SLC22A23: variants seen among roughly 807,000 people sequenced by gnomAD.
The protein encoded by SLC22A23 is ion transporter protein.
A neutral mutation model predicts 61.0 loss-of-function variants in SLC22A23; 26 were observed. The observed-to-expected ratio is 0.43, with a 90% confidence interval of 0.31 to 0.59. The LOEUF (loss-of-function observed/expected upper bound fraction) is 0.59. SLC22A23 is among the 20% of genes least tolerant of loss of function. The pLI is 0.11. For synonymous variants in SLC22A23, 430 were observed against 413.9 expected (o/e 1.04, Z -0.47); for missense variants, 796 against 934.7 (o/e 0.85, Z 1.94).
intron 3 of SLC22A23, among the ~76,000 whole-genome samples, chr6:3,369,908 T>G (rs9503567): frequency 0.7 from 107,185 of 152,148 alleles, 37,997 homozygotes; most frequent in East Asian, 0.84. Flanking sequence ...TCCCTTACAT[T>G]TAGGTATATC....
intron 3 of SLC22A23, among the ~76,000 whole-genome samples, chr6:3,332,971 T>C (rs959337500): frequency 6.6e-6 from 1 of 152,192 alleles, no homozygotes; most frequent in African/African-American, 2.4e-5. Context: ...CTCCACCTAA[T>C]GTCTGGTGAG....
chr6:3,341,730 C>G (rs1764164325), intron 3 of SLC22A23, among the ~76,000 whole-genome samples: 1 of 143,400 alleles, frequency 7.0e-6, no homozygotes, highest in Non-Finnish European at 1.5e-5. Context: ...ACCACACGCA[C>G]AATTCATTGG....
rs191008962 is a variant in SLC22A23 at position 3,324,063 on chromosome 6, G to C, written c.914-61C>G. The stretch of plus-strand genomic sequence containing the variant: ...CCTGCTCGACAGCCCGAGAAGTCCT[G>C]GGTGCACCTGGGCCAGTGCACTGCT... On this transcript the variant is annotated intron_variant, in intron 3 of 9. Coordinates refer to ENST00000406686, the MANE Select transcript of SLC22A23 (RefSeq NM_015482.2). The surrounding 1 kb of genome is among the most constrained non-coding windows in gnomAD (Gnocchi z 4.3). 3 of 1,580,030 alleles carry C rather than the reference G, an allele frequency of 1.9e-6. No homozygotes were observed. The highest frequency in any genetic ancestry group is 2.6e-6 in the Non-Finnish European group (3 of 1,156,988).
rs1017494308 is a variant in SLC22A23 at position 3,454,214 on chromosome 6, C to T, written c.654+1692G>A. Among the ~76,000 whole-genome samples, 1 of 152,158 alleles carries T rather than the reference C, an allele frequency of 6.6e-6. No homozygotes were observed. The highest frequency in any genetic ancestry group is 2.4e-5 in the African/African-American group (1 of 41,426). On this transcript the variant is annotated intron_variant, in intron 1 of 9. Transcript: ENST00000406686. This position sits in a 1 kb window ranked among gnomAD's most constrained non-coding sequence, Gnocchi z 4.3. ...CCACACACATGAGGGCTGTCTGTGA[C>T]CCTCTCGAATGCTAATTTAGAAAAA... is the stretch of plus-strand genomic sequence containing the variant.
At chr6:3,282,332 T>G in intron 9 of SLC22A23, 2 of 702,350 alleles carry the variant, frequency 2.8e-6, no homozygotes, top group Non-Finnish European at 5.2e-6. Context: ...ATGCAGAAGG[T>G]AGGGACAGGA....
intron 4 of SLC22A23, among the ~76,000 whole-genome samples, chr6:3,305,521 C>T (rs973164672): frequency 6.6e-6 from 1 of 152,228 alleles, no homozygotes; most frequent in African/African-American, 2.4e-5. Flanking sequence ...AGCCTCTGAA[C>T]AAGCCCAGAG....
chr6:3,427,834 A>T lies in SLC22A23; in HGVS notation c.655-11979T>A, dbSNP rs1581871833. 6.6e-6 allele frequency among the ~76,000 whole-genome samples: 1 copy of T among 151,756 alleles called. No individual in the cohort carries two copies. The highest frequency in any genetic ancestry group is 1.9e-4 in the East Asian group (1 of 5,202). On this transcript the variant is annotated intron_variant, in intron 1 of 9. Coordinates refer to ENST00000406686, the MANE Select transcript of SLC22A23 (RefSeq NM_015482.2). This position sits in a 1 kb window ranked among gnomAD's most constrained non-coding sequence, Gnocchi z 4.3. ...AACTAACTATTAATCTTCTAAAAAC[A>T]CCGTGCCAAACTGGCAGCATGACAG... is the stretch of plus-strand genomic sequence containing the variant.
chr6:3,421,351 A>G (rs1382457613), intron 1 of SLC22A23, among the ~76,000 whole-genome samples: 1 of 152,174 alleles, frequency 6.6e-6, no homozygotes, highest in Non-Finnish European at 1.5e-5. Flanking sequence ...AGAGACACCC[A>G]CAGAGGTCTC....
chr6:3,365,831 G>A (rs754057153), intron 3 of SLC22A23, among the ~76,000 whole-genome samples: 7 of 152,172 alleles, frequency 4.6e-5, no homozygotes, highest in Non-Finnish European at 8.8e-5. Context: ...AACAGCAGCA[G>A]CAGAAGGAAA....
chr6:3,296,914 C>T (rs528638703), intron 5 of SLC22A23, among the ~76,000 whole-genome samples: 52 of 152,316 alleles, frequency 3.4e-4, no homozygotes, highest in Admixed American at 1.2e-3. Flanking sequence ...TTGGGGTTCC[C>T]GTGCATCCCT....
intron 3 of SLC22A23, among the ~76,000 whole-genome samples, chr6:3,402,503 G>C (rs1768485505): frequency 6.6e-6 from 1 of 151,676 alleles, no homozygotes; most frequent in East Asian, 1.9e-4. Context: ...CTAGGCCCCA[G>C]CCAACCCCAA....
At chr6:3,382,011 G>A (rs571767496) in intron 3 of SLC22A23, among the ~76,000 whole-genome samples, 2 of 152,284 alleles carry the variant, frequency 1.3e-5, no homozygotes, top group South Asian at 4.1e-4. Flanking sequence ...CGATGACAAG[G>A]GGGTCCACTT....
chr6:3,443,340 G>A (rs957415461), intron 1 of SLC22A23, among the ~76,000 whole-genome samples: 2 of 152,192 alleles, frequency 1.3e-5, no homozygotes, highest in African/African-American at 2.4e-5. Context: ...CTGTGTGAAG[G>A]CAGGGGTGGG....
chr6:3,274,070 C>T (rs1758679234), intron 9 of SLC22A23, among the ~76,000 whole-genome samples: 1 of 152,184 alleles, frequency 6.6e-6, no homozygotes, highest in Non-Finnish European at 1.5e-5. Flanking sequence ...GAACTCACTG[C>T]AGCTCTGAGC....
chr6:3,286,835 A>C lies in SLC22A23; in HGVS notation c.1546+24T>G. On this transcript the variant is annotated intron_variant, in intron 7 of 9. Coordinates refer to ENST00000406686, the MANE Select transcript of SLC22A23 (RefSeq NM_015482.2). This position sits in a 1 kb window ranked among gnomAD's most constrained non-coding sequence, Gnocchi z 4.2. The stretch of plus-strand genomic sequence containing the variant: ...TCTGCCAGCTTCCCTCCCTGCACCC[A>C]GCCCACCTCCCCGACCCACTCACGG... 9.6e-6 allele frequency: 15 copies of C among 1,558,366 alleles called. No homozygotes were observed. Among genetic ancestry groups the C allele is most frequent in the Non-Finnish European group, 1.3e-5 (15 of 1,149,670 alleles).
Position 3,271,380 on chromosome 6 carries a change from T to C in SLC22A23, c.*1675A>G, listed in dbSNP as rs1758465079. ...AGTCTGCTTGCCCCTTGCTGTGTCT[T>C]TACACATCTCCAGGCCCTTACTGAT... On this transcript the variant is annotated 3_prime_UTR_variant, in exon 10 of 10. Transcript: ENST00000406686. 6.6e-6 allele frequency: 1 copy of C among 152,310 alleles called. No individual in the cohort carries two copies. The highest frequency in any genetic ancestry group is 2.4e-5 in the African/African-American group (1 of 41,426). The allele number at this position is 152,310 out of a possible 1,614,324, so 9.4% of individuals were successfully genotyped here. A position where few individuals can be genotyped will look rare whatever the true frequency, so the allele number is the denominator to read the frequency against.
Position 3,286,255 on chromosome 6 carries a change from A to G in SLC22A23, c.1546+604T>C, listed in dbSNP as rs1001731612. ...CTGGGACTACAGGCGTGTACCACCA[A>G]GCCCAGCTAATTATTTTTTGTATAT... On this transcript the variant is annotated intron_variant, in intron 7 of 9. Coordinates refer to ENST00000406686, the MANE Select transcript of SLC22A23 (RefSeq NM_015482.2). The surrounding 1 kb of genome is among the most constrained non-coding windows in gnomAD (Gnocchi z 4.2). 6.6e-6 allele frequency among the ~76,000 whole-genome samples: 1 copy of G among 151,986 alleles called. No homozygotes were observed. The highest frequency in any genetic ancestry group is 2.4e-5 in the African/African-American group (1 of 41,390).
chr6:3,416,247 C>A (rs182697014), intron 1 of SLC22A23, among the ~76,000 whole-genome samples: 1 of 152,328 alleles, frequency 6.6e-6, no homozygotes, highest in Admixed American at 6.5e-5. Flanking sequence ...GGCTGGGAGA[C>A]CCTGTCAACT....
At chr6:3,305,460 C>T (rs1761909829) in intron 4 of SLC22A23, among the ~76,000 whole-genome samples, 1 of 152,158 alleles carries the variant, frequency 6.6e-6, no homozygotes, top group South Asian at 2.1e-4. Context: ...TTATGACGCG[C>T]TCCGTGAATT....
Sources: gnomAD v4.1 joint callset for allele counts (sites outside exome capture counted in the v4.1 genomes callset) on GRCh38, gnomAD v4.1.1 for gene constraint, Gnocchi (gnomAD v3.1) non-coding constraint, MANE v1.5 for transcripts, NCBI Gene and HGNC (gene_info 2026-07-23, HGNC 2026-07-21) for gene names.